Variants in ANK1 observed in about 807,000 individuals in gnomAD.
ANK1 encodes ankyrin 1, also known as ankyrin-1.
ANK1 carries 51 observed loss-of-function variants against 210.4 expected under a neutral mutation model. The ratio of observed to expected loss-of-function variants is 0.24; its 90% CI spans 0.19 to 0.31. ANK1 has a LOEUF of 0.31. Ranked by LOEUF, ANK1 falls within the 10% of genes least tolerant of loss-of-function variation. The pLI, the probability that ANK1 is intolerant of heterozygous loss-of-function variation, is 1.00. For synonymous variants in ANK1, 967 were observed against 1,025.9 expected (o/e 0.94, Z 1.10); for missense variants, 2,051 against 2,504.4 (o/e 0.82, Z 3.86).
chr8:41,734,327 A>G (rs1195752095), intron 2 of ANK1, among the ~76,000 whole-genome samples: 1 of 152,222 alleles, frequency 6.6e-6, no homozygotes. Context: ...TTAGGCAGTA[A>G]GCTCTCACAA....
At position 41,758,221 on chromosome 8, in the gene ANK1, A is replaced by G. The variant is rs142491546; in HGVS notation, c.28-84T>C. 114 of 1,223,646 alleles carry G rather than the reference A, an allele frequency of 9.3e-5. 1 individual carries two copies. The East Asian group carries it at 2.6e-3, about 28-fold the overall frequency. 75.8% of individuals were successfully genotyped at this position (1,223,646 alleles called of 1,614,324 possible). A position where few individuals can be genotyped will look rare whatever the true frequency, so the allele number is the denominator to read the frequency against. On this transcript the variant is annotated intron_variant, in intron 1 of 42. Transcript: ENST00000289734. ...CGTTCAAGTCCCAGGCCCCCGCAGC[A>G]GCCCCTGCATCCTCTGATGTGGCAC...
At chr8:41,746,401 A>G (rs1421348073) in intron 2 of ANK1, among the ~76,000 whole-genome samples, 1 of 152,186 alleles carries the variant, frequency 6.6e-6, no homozygotes, top group Non-Finnish European at 1.5e-5. Context: ...AACTGAGAGG[A>G]CAGCACAAAC....
intron 24 of ANK1, 32 bp from the exon 25 acceptor site, chr8:41,696,805 C>T (rs376520149): frequency 1.9e-6 from 3 of 1,578,438 alleles, no homozygotes; most frequent in South Asian, 2.2e-5. Flanking sequence ...TCCTGTCCCA[C>T]CTCCTCCCGG....
rs1429029520 is a variant in ANK1, at chr8:41,655,502, G to A, written c.*288C>T. ...TTGTTTTCTATCCCTCTCTCTCCCC[G>A]CTTCTTGCTGCTTTTGTGTCCTGGT... is the stretch of plus-strand genomic sequence containing the variant. On this transcript the variant is annotated 3_prime_UTR_variant, in exon 43 of 43. Coordinates refer to ENST00000289734, the MANE Select transcript of ANK1 (RefSeq NM_000037.4). 5 of 539,148 alleles carry A rather than the reference G, an allele frequency of 9.3e-6. No homozygotes were observed. Among genetic ancestry groups the A allele is most frequent in the Non-Finnish European group, 1.6e-5 (5 of 304,042 alleles). 33.4% of individuals were successfully genotyped at this position (539,148 alleles called of 1,614,324 possible). A position where few individuals can be genotyped will look rare whatever the true frequency, so the allele number is the denominator to read the frequency against.
intron 22 of ANK1, chr8:41,700,384 T>A: frequency 6.3e-7 from 1 of 1,590,062 alleles, no homozygotes; most frequent in Non-Finnish European, 8.6e-7. Flanking sequence ...TAGGGTGAAA[T>A]GCACTCTAGT....
intron 37 of ANK1, among the ~76,000 whole-genome samples, chr8:41,679,954 G>T (rs1440753170): frequency 6.6e-6 from 1 of 152,084 alleles, no homozygotes; most frequent in Non-Finnish European, 1.5e-5. Context: ...TTTGTTATTT[G>T]ATATCCAATG....
intron 20 of ANK1, among the ~76,000 whole-genome samples, chr8:41,703,444 A>ATTT (rs1257332982): frequency 6.4e-5 from 4 of 62,378 alleles, no homozygotes; most frequent in Admixed American, 2.4e-4. Flanking sequence ...ATATATATAT[A>ATTT]TATATATTTT....
chr8:41,835,637 G>T (rs1290576215), intron 1 of ANK1, among the ~76,000 whole-genome samples: 2 of 152,212 alleles, frequency 1.3e-5, no homozygotes, highest in African/African-American at 4.8e-5. Flanking sequence ...GCCCACACTG[G>T]CCGCAGGGCT....
chr8:41,715,098 A>AGGAGAAACAG, intron 14 of ANK1, 24 bp from the exon 15 acceptor site: 1 of 1,611,848 alleles, frequency 6.2e-7, no homozygotes. Context: ...GGCTGTCAGG[A>AGGAGAAACAG]CCTTGGGGCC....
chr8:41,836,924 GAAAA>G, intron 1 of ANK1, among the ~76,000 whole-genome samples: 1 of 120,092 alleles, frequency 8.3e-6, no homozygotes, highest in East Asian at 2.6e-4. Context: ...TATCTCTGGG[GAAAA>G]AAAAAAAAAA....
chr8:41,723,526 G>A lies in ANK1; in HGVS notation c.810+9C>T. ...CCCCTGCCTGGCTACAGCACCTGCT[G>A]GCACCCACCTTGGTCTTGGTTTCTA... On this transcript the variant is annotated intron_variant, in intron 8 of 42. Transcript: ENST00000289734. 6.2e-7 allele frequency: 1 copy of A among 1,613,952 alleles called. No homozygotes were observed.
chr8:41,809,077 A>C (rs890412788), intron 1 of ANK1, among the ~76,000 whole-genome samples: 1 of 152,206 alleles, frequency 6.6e-6, no homozygotes, highest in Non-Finnish European at 1.5e-5. Context: ...GTGACCACAC[A>C]AATGTGGTTC....
At chr8:41,816,745 T>C (rs988271939) in intron 1 of ANK1, among the ~76,000 whole-genome samples, 1 of 152,216 alleles carries the variant, frequency 6.6e-6, no homozygotes, top group East Asian at 1.9e-4. Flanking sequence ...TATTCTTATT[T>C]ACCAAATTTT....
chr8:41,731,573 T>C (rs965725962), intron 3 of ANK1, among the ~76,000 whole-genome samples: 7 of 150,572 alleles, frequency 4.6e-5, no homozygotes, highest in Non-Finnish European at 1.0e-4. Context: ...TTTTTACTCT[T>C]TTTCTTCTTT....
intron 1 of ANK1, among the ~76,000 whole-genome samples, chr8:41,831,724 G>T (rs986020760): frequency 6.6e-6 from 1 of 151,958 alleles, no homozygotes; most frequent in Non-Finnish European, 1.5e-5. Flanking sequence ...CATTAAGAAG[G>T]TACCTGTACC....
At chr8:41,859,736 G>T (rs989790840) in intron 1 of ANK1, among the ~76,000 whole-genome samples, 3 of 152,362 alleles carry the variant, frequency 2.0e-5, no homozygotes, top group Admixed American at 1.3e-4. Flanking sequence ...TGCCAGGAAT[G>T]AACCTATTTG....
At position 41,822,869 on chromosome 8, in the gene ANK1, C is replaced by T. The variant is rs561293126; in HGVS notation, c.127-64732G>A. Among the ~76,000 whole-genome samples, 8 of 152,258 alleles carry T rather than the reference C, an allele frequency of 5.3e-5. No homozygotes were observed. The East Asian group carries it at 1.4e-3, about 26-fold the overall frequency. On this transcript the variant is annotated intron_variant, in intron 1 of 42. Coordinates refer to the ANK1 transcript ENST00000265709. Reference sequence around the variant, plus strand: ...GGGAAGCACAGCACGAGAGCGGGGGCGGTGGAGGGCGATTTGGATGTCAGC... The same window carrying T: ...GGGAAGCACAGCACGAGAGCGGGGGTGGTGGAGGGCGATTTGGATGTCAGC...
rs1804937598 is a variant in ANK1, at chr8:41,654,123, A to AG, written c.*1666dup. On this transcript the variant is annotated 3_prime_UTR_variant, in exon 43 of 43. Coordinates refer to ENST00000289734, the MANE Select transcript of ANK1 (RefSeq NM_000037.4). ...GCCGGGCCGTCCACACCGCGGCTCC[A>AG]GGGGCGAGAGGAGCCAGCCCTGTCT... 6.6e-6 allele frequency: 1 copy of AG among 152,416 alleles called. No homozygotes were observed. The allele number at this position is 152,416 out of a possible 1,614,324, so 9.4% of individuals were successfully genotyped here. A position where few individuals can be genotyped will look rare whatever the true frequency, so the allele number is the denominator to read the frequency against.
At chr8:41,879,532 T>C (rs1301607166) in intron 1 of ANK1, among the ~76,000 whole-genome samples, 1 of 152,204 alleles carries the variant, frequency 6.6e-6, no homozygotes, top group African/African-American at 2.4e-5. Context: ...AGGAGTGCAA[T>C]GCCAGAGAGA....
Sources: allele counts gnomAD v4.1 joint callset (sites outside exome capture counted in the v4.1 genomes callset), GRCh38; gene constraint gnomAD v4.1.1; transcripts MANE v1.5; gene names NCBI Gene and HGNC (gene_info 2026-07-23, HGNC 2026-07-21).